The following GPM6A variants were observed in gnomAD, a reference collection of about 807,000 sequenced individuals.
GPM6A encodes the protein neuronal membrane glycoprotein M6-a.
A neutral mutation model predicts 32.1 loss-of-function variants in GPM6A; 7 were observed. That is an observed-to-expected ratio of 0.22 (90% CI 0.12 to 0.41). GPM6A has a LOEUF of 0.41. GPM6A is among the 10% of genes least tolerant of loss of function. GPM6A has a pLI of 1.00. For synonymous variants in GPM6A, 130 were observed against 123.4 expected, an observed-to-expected ratio of 1.05 and a Z score of -0.35; for missense variants, 235 against 347.2, an observed-to-expected ratio of 0.68 and a Z score of 2.57.
At chr4:175,932,099 A>G (rs1239105507) in intron 1 of GPM6A, among the ~76,000 whole-genome samples, 1 of 130,444 alleles carries the variant, frequency 7.7e-6, no homozygotes, top group African/African-American at 3.2e-5. Flanking sequence ...TGCCTCTAGG[A>G]AAAAAAAAAA....
chr4:175,705,287 C>G (rs1394543401), intron 1 of GPM6A, among the ~76,000 whole-genome samples: 1 of 152,156 alleles, frequency 6.6e-6, no homozygotes, highest in African/African-American at 2.4e-5. Context: ...CTCTCAGAAT[C>G]ATATTACCTT....
intron 1 of GPM6A, among the ~76,000 whole-genome samples, chr4:175,897,955 GT>G (rs1203648535): frequency 6.6e-6 from 1 of 152,158 alleles, no homozygotes; most frequent in Non-Finnish European, 1.5e-5. Context: ...AAGTTGGCAA[GT>G]AAGACAACAC....
chr4:175,886,083 G>A (rs1737445286), intron 1 of GPM6A, among the ~76,000 whole-genome samples: 1 of 152,072 alleles, frequency 6.6e-6, no homozygotes, highest in Non-Finnish European at 1.5e-5. Flanking sequence ...AAAATGTAGA[G>A]GCTGAGTGAA....
chr4:175,945,187 A>T (rs1399300381), intron 1 of GPM6A, among the ~76,000 whole-genome samples: 1 of 152,200 alleles, frequency 6.6e-6, no homozygotes. Context: ...AAACAATATA[A>T]ATTTCAGAAA....
chr4:175,693,860 G>T (rs1744428750), intron 2 of GPM6A, among the ~76,000 whole-genome samples: 1 of 152,124 alleles, frequency 6.6e-6, no homozygotes, highest in South Asian at 2.1e-4. Flanking sequence ...GGTGGGAGGT[G>T]GTTGGATCAT....
chr4:175,880,152 C>T lies in GPM6A; in HGVS notation c.-22-67903G>A, dbSNP rs189202923. 6.4e-4 allele frequency among the ~76,000 whole-genome samples: 97 copies of T among 152,242 alleles called. No individual in the cohort carries two copies. In the East Asian group the frequency reaches 0.017, roughly 26 times the overall value. ...CATTTGTTAAATAGGGAATCCTTTC[C>T]TCATTTCTTATTTTTGTCAGGTTTG... On this transcript the variant is annotated intron_variant, in intron 1 of 7. Coordinates refer to the GPM6A transcript ENST00000280187.
chr4:175,650,990 A>T lies in GPM6A; in HGVS notation c.541+844T>A, dbSNP rs972123472. Among the ~76,000 whole-genome samples, 47 of 152,164 alleles carry T rather than the reference A, an allele frequency of 3.1e-4. 1 individual carries two copies. The highest frequency in any genetic ancestry group is 1.1e-3 in the African/African-American group (44 of 41,442). On this transcript the variant is annotated intron_variant, in intron 4 of 6. Coordinates refer to ENST00000393658, the MANE Select transcript of GPM6A (RefSeq NM_201591.3). The stretch of plus-strand genomic sequence containing the variant: ...AACATAGAATCTCAAATAGGCTGAG[A>T]TTATACTCTACCTTTCCACTTCCAG...
intron 2 of GPM6A, among the ~76,000 whole-genome samples, chr4:175,675,948 G>A (rs530150563): frequency 6.6e-6 from 1 of 152,084 alleles, no homozygotes; most frequent in Admixed American, 6.6e-5. Flanking sequence ...ATCTTGAATT[G>A]TAGTTCCCAT....
In GPM6A at chr4:175,651,818, T is replaced by A. The variant is rs1246073112; in HGVS notation, c.541+16A>T. The A allele has an allele frequency of 4.4e-6, 7 of 1,604,064 alleles. No homozygotes were observed. In the Admixed American group the frequency reaches 1.2e-4, roughly 27 times the overall value. On this transcript the variant is annotated intron_variant, in intron 4 of 6. Transcript: ENST00000393658. The stretch of plus-strand genomic sequence containing the variant: ...GGGATGGTGTTTTACAGTTTAGAGA[T>A]CCAATATCCACTTACCAAACTGACG...
chr4:175,716,763 G>A (rs1002199573), intron 1 of GPM6A, among the ~76,000 whole-genome samples: 2 of 152,070 alleles, frequency 1.3e-5, no homozygotes, highest in Non-Finnish European at 2.9e-5. Context: ...AGCCTGTTAA[G>A]CAAACTAATT....
At chr4:175,899,815 A>C (rs995629227) in intron 1 of GPM6A, among the ~76,000 whole-genome samples, 8 of 152,298 alleles carry the variant, frequency 5.3e-5, no homozygotes, top group African/African-American at 1.9e-4. Context: ...TCTCAGCAAA[A>C]TTTCTTGAGC....
intron 1 of GPM6A, among the ~76,000 whole-genome samples, chr4:175,870,759 G>T (rs147392352): frequency 1.4e-4 from 21 of 152,246 alleles, no homozygotes; most frequent in Admixed American, 5.2e-4. Flanking sequence ...CCTATGGTTA[G>T]ACAGCTAAGT....
chr4:176,000,296 A>G (rs562016211), intron 1 of GPM6A, among the ~76,000 whole-genome samples: 1 of 152,212 alleles, frequency 6.6e-6, no homozygotes, highest in Non-Finnish European at 1.5e-5. Flanking sequence ...AATTTTAGGT[A>G]TCTGTCAGAT....
intron 1 of GPM6A, among the ~76,000 whole-genome samples, chr4:175,764,884 T>C (rs990718929): frequency 6.7e-6 from 1 of 148,998 alleles, no homozygotes; most frequent in Non-Finnish European, 1.5e-5. Flanking sequence ...ATTATTATTA[T>C]TATTTTGATA....
intron 1 of GPM6A, among the ~76,000 whole-genome samples, chr4:175,834,622 C>A (rs1395242918): frequency 6.6e-6 from 1 of 151,990 alleles, no homozygotes; most frequent in Non-Finnish European, 1.5e-5. Context: ...CTCACCTGTG[C>A]ACTTTTCCCT....
At chr4:175,777,530 TA>T (rs1006608122) in intron 1 of GPM6A, among the ~76,000 whole-genome samples, 2 of 151,612 alleles carry the variant, frequency 1.3e-5, no homozygotes, top group African/African-American at 4.8e-5. Flanking sequence ...ATTAACTTAG[TA>T]AAAAAAAGAT....
chr4:175,904,584 C>T (rs536809934), intron 1 of GPM6A, among the ~76,000 whole-genome samples: 4 of 152,188 alleles, frequency 2.6e-5, no homozygotes, highest in Admixed American at 6.5e-5. Context: ...CCACTTGGCA[C>T]TCAACACTGG....
At chr4:175,715,665 C>T (rs1745801232) in intron 1 of GPM6A, among the ~76,000 whole-genome samples, 1 of 151,282 alleles carries the variant, frequency 6.6e-6, no homozygotes, top group African/African-American at 2.4e-5. Context: ...TGACTGCTTT[C>T]TTTTTTTCCA....
intron 1 of GPM6A, chr4:175,947,615 G>T (rs943769249): frequency 2.6e-5 from 4 of 151,934 alleles, no homozygotes; most frequent in Non-Finnish European, 5.9e-5. Flanking sequence ...GTTGTAATAC[G>T]TATTCTGCAA....
Sources: allele counts gnomAD v4.1 joint callset (sites outside exome capture counted in the v4.1 genomes callset), GRCh38; gene constraint gnomAD v4.1.1; transcripts MANE v1.5; gene names NCBI Gene and HGNC (gene_info 2026-07-23, HGNC 2026-07-21).